The following CFAP61 variants were observed in gnomAD, a reference collection of about 807,000 sequenced individuals.
CFAP61 encodes the protein cilia and flagella associated protein 61.
In CFAP61, 107 loss-of-function variants were observed where a neutral mutation model predicts 135.6. The ratio of observed to expected loss-of-function variants is 0.79; its 90% CI spans 0.67 to 0.93. The LOEUF (loss-of-function observed/expected upper bound fraction) is 0.93, where lower values mean the gene tolerates loss of function less well. CFAP61 is among the 40% of genes least tolerant of loss of function. The probability of loss-of-function intolerance (pLI) is 0.00; values close to 1 mark genes in which losing one functional copy is unlikely to be tolerated. For synonymous variants in CFAP61, 575 were observed against 578.5 expected, an observed-to-expected ratio of 0.99 and a Z score of 0.09; for missense variants, 1,507 against 1,556.2, an observed-to-expected ratio of 0.97 and a Z score of 0.53.
chr20:20,332,935 T>C (rs1310160011), intron 25 of CFAP61, among the ~76,000 whole-genome samples: 1 of 152,138 alleles, frequency 6.6e-6, no homozygotes, highest in East Asian at 1.9e-4. Flanking sequence ...CATAATTCTT[T>C]AGTGAAAGAC....
chr20:20,221,092 T>C (rs1601474900), intron 17 of CFAP61: 1 of 152,204 alleles, frequency 6.6e-6, no homozygotes, highest in Non-Finnish European at 1.5e-5. Context: ...TGGCTGACCC[T>C]GTATTGAGAA....
intron 22 of CFAP61, among the ~76,000 whole-genome samples, chr20:20,282,525 T>C (rs775968026): frequency 6.6e-6 from 1 of 152,232 alleles, no homozygotes; most frequent in Non-Finnish European, 1.5e-5. Context: ...CTGTGATTTT[T>C]TATTCAACCT....
intron 26 of CFAP61, among the ~76,000 whole-genome samples, chr20:20,355,394 G>A (rs1218659961): frequency 3.4e-5 from 3 of 88,154 alleles, no homozygotes; most frequent in Non-Finnish European, 4.6e-5. Context: ...TGTGAGCAGA[G>A]ATGGTCACAC....
Position 20,239,784 on chromosome 20 carries a change from G to A in CFAP61, c.2061-6333G>A, listed in dbSNP as rs368489581. Reference sequence around the variant, plus strand: ...GAACAAAGGTAGGGATTTTAAAACCGGAAACCGTTGAGATTTTATTTAATT... The same window carrying A: ...GAACAAAGGTAGGGATTTTAAAACCAGAAACCGTTGAGATTTTATTTAATT... On this transcript the variant is annotated intron_variant, in intron 18 of 26. Coordinates refer to ENST00000245957, the MANE Select transcript of CFAP61 (RefSeq NM_015585.4). 3.3e-4 allele frequency among the ~76,000 whole-genome samples: 51 copies of A among 152,262 alleles called. 1 individual carries two copies. The highest frequency in any genetic ancestry group is 2.5e-3 in the East Asian group (13 of 5,186).
chr20:20,053,520 C>T (rs948359941), intron 1 of CFAP61, among the ~76,000 whole-genome samples: 11 of 152,156 alleles, frequency 7.2e-5, no homozygotes, highest in Non-Finnish European at 1.5e-4. Context: ...CATGACTTGG[C>T]AGCTCATTTG....
intron 7 of CFAP61, among the ~76,000 whole-genome samples, chr20:20,092,240 T>C (rs936689264): frequency 1.3e-5 from 2 of 152,238 alleles, no homozygotes; most frequent in Admixed American, 1.3e-4. Context: ...ATGATTTGAT[T>C]CAAGTTATAT....
At chr20:20,069,812 T>C (rs551624401) in intron 2 of CFAP61, 18 of 453,630 alleles carry the variant, frequency 4.0e-5, no homozygotes, top group African/African-American at 3.4e-4. Context: ...GGAAAGCCCA[T>C]GTCACTTTCT....
intron 7 of CFAP61, among the ~76,000 whole-genome samples, chr20:20,093,588 C>T (rs1600594751): frequency 6.6e-6 from 1 of 151,896 alleles, no homozygotes; most frequent in Non-Finnish European, 1.5e-5. Flanking sequence ...GCATGTGCCA[C>T]CACACCAGGC....
intron 18 of CFAP61, among the ~76,000 whole-genome samples, chr20:20,231,875 T>C (rs1260935870): frequency 6.6e-6 from 1 of 152,150 alleles, no homozygotes; most frequent in African/African-American, 2.4e-5. Context: ...CCCAAGACAT[T>C]TAAGTGATAG....
chr20:20,330,276 C>T (rs777902008), intron 25 of CFAP61, among the ~76,000 whole-genome samples: 25 of 152,124 alleles, frequency 1.6e-4, no homozygotes, highest in Non-Finnish European at 3.1e-4. Context: ...GTTGCATTAT[C>T]TTCAAAATTC....
intron 18 of CFAP61, among the ~76,000 whole-genome samples, chr20:20,240,431 T>G (rs910223530): frequency 2.0e-5 from 3 of 152,074 alleles, no homozygotes; most frequent in Admixed American, 6.5e-5. Context: ...TCTCAGTGTT[T>G]CCTCCACCCC....
intron 18 of CFAP61, among the ~76,000 whole-genome samples, chr20:20,229,560 GC>G (rs2048982352): frequency 6.6e-6 from 1 of 152,228 alleles, no homozygotes; most frequent in Middle Eastern, 3.4e-3. Context: ...GACAGGTGGG[GC>G]CTTGTGAAGG....
intron 8 of CFAP61, among the ~76,000 whole-genome samples, chr20:20,120,038 A>C (rs1362619347): frequency 6.6e-6 from 1 of 152,138 alleles, no homozygotes. Flanking sequence ...GGTTGAGTTT[A>C]TGTCTTTGCT....
intron 17 of CFAP61, among the ~76,000 whole-genome samples, chr20:20,212,431 G>T (rs77988422): frequency 0.04 from 6,030 of 152,184 alleles, 157 homozygotes; most frequent in Middle Eastern, 0.11. Flanking sequence ...TCTACATGTC[G>T]TCACTTCCTG....
At chr20:20,233,794 T>C (rs2049355053) in intron 18 of CFAP61, among the ~76,000 whole-genome samples, 1 of 152,222 alleles carries the variant, frequency 6.6e-6, no homozygotes, top group South Asian at 2.1e-4. Flanking sequence ...TCAGTATAAC[T>C]TATCTCCTCA....
intron 26 of CFAP61, among the ~76,000 whole-genome samples, chr20:20,350,074 G>A (rs996496905): frequency 2.0e-5 from 3 of 152,110 alleles, no homozygotes; most frequent in Non-Finnish European, 4.4e-5. Flanking sequence ...AAGTAAACCT[G>A]TTTACATGAA....
At chr20:20,122,126 A>G (rs1337016670) in intron 8 of CFAP61, among the ~76,000 whole-genome samples, 5 of 147,070 alleles carry the variant, frequency 3.4e-5, no homozygotes, top group African/African-American at 1.3e-4. Context: ...CCAAGTCCCC[A>G]AAGTCCATTG....
chr20:20,133,674 A>T (rs779083029), intron 8 of CFAP61, among the ~76,000 whole-genome samples: 7 of 152,326 alleles, frequency 4.6e-5, no homozygotes, highest in Non-Finnish European at 8.8e-5. Flanking sequence ...ACCTAAGGAG[A>T]CACAAACTTC....
intron 25 of CFAP61, among the ~76,000 whole-genome samples, chr20:20,325,753 G>A (rs1380775210): frequency 1.3e-5 from 2 of 152,098 alleles, no homozygotes; most frequent in Non-Finnish European, 2.9e-5. Flanking sequence ...TGGATGATGT[G>A]GTAAGAGTGT....
Sources: gnomAD v4.1 joint callset for allele counts (sites outside exome capture counted in the v4.1 genomes callset) on GRCh38, gnomAD v4.1.1 for gene constraint, MANE v1.5 for transcripts, NCBI Gene and HGNC (gene_info 2026-07-23, HGNC 2026-07-21) for gene names.